INPP5B: variants seen among roughly 807,000 people sequenced by gnomAD.
The protein encoded by INPP5B is type II inositol 1,4,5-trisphosphate 5-phosphatase.
A neutral mutation model predicts 118.5 loss-of-function variants in INPP5B; 90 were observed. That is an observed-to-expected ratio of 0.76 (90% CI 0.64 to 0.90). The LOEUF is 0.90. Among genes scored for constraint, INPP5B ranks in the 40% least tolerant of loss-of-function variants. The pLI, the probability that INPP5B is intolerant of heterozygous loss-of-function variation, is 0.00. For synonymous variants in INPP5B, 385 were observed against 418.9 expected (o/e 0.92, Z 0.99); for missense variants, 984 against 1,125.6 (o/e 0.87, Z 1.80).
At chr1:37,901,240 T>A (rs555062849) in intron 7 of INPP5B, among the ~76,000 whole-genome samples, 1 of 152,330 alleles carries the variant, frequency 6.6e-6, no homozygotes, top group African/African-American at 2.4e-5. Context: ...CTCTATGTAT[T>A]AAGTACAGCA....
chr1:37,872,164 C>A (rs889296838), intron 19 of INPP5B, among the ~76,000 whole-genome samples: 1 of 149,614 alleles, frequency 6.7e-6, no homozygotes, highest in Non-Finnish European at 1.5e-5. Flanking sequence ...GTTGGGAGTT[C>A]CAGACCTGTC....
chr1:37,946,651 C>T (rs72919791), intron 1 of INPP5B, among the ~76,000 whole-genome samples: 7,665 of 152,128 alleles, frequency 0.05, 576 homozygotes, highest in African/African-American at 0.17. Flanking sequence ...AGAAGGGGAC[C>T]TAGTCCCTTT....
At chr1:37,932,084 C>A (rs1444201880) in intron 6 of INPP5B, 31 bp from the exon 7 acceptor site, 11 of 1,539,372 alleles carry the variant, frequency 7.1e-6, no homozygotes, top group Non-Finnish European at 9.6e-6. Context: ...GCAGACTGAG[C>A]CACGAGCTTG....
chr1:37,872,575 T>G (rs1363438964), intron 19 of INPP5B, among the ~76,000 whole-genome samples: 1 of 151,430 alleles, frequency 6.6e-6, no homozygotes, highest in Admixed American at 6.6e-5. Flanking sequence ...GATGAGTCCA[T>G]GTGGTGAGTG....
chr1:37,868,768 A>G (rs1642211020), intron 19 of INPP5B, among the ~76,000 whole-genome samples, 154 bp from the exon 20 acceptor site: 1 of 152,218 alleles, frequency 6.6e-6, no homozygotes, highest in Admixed American at 6.5e-5. Flanking sequence ...TGGTATGATC[A>G]AGGAACAAAA....
chr1:37,931,690 C>A (rs780421709), intron 7 of INPP5B: 1 of 1,529,396 alleles, frequency 6.5e-7, no homozygotes, highest in Non-Finnish European at 8.8e-7. Flanking sequence ...GTTGCGCTCC[C>A]GAGAGCCGGC....
At chr1:37,941,958 A>AAAAAAAAAAAATATATATATATAT (rs1427344681) in intron 5 of INPP5B, 6 of 30,366 alleles carry the variant, frequency 2.0e-4, no homozygotes, top group African/African-American at 9.1e-4. Flanking sequence ...AAAAAAAAAA[A>AAAAAAAAAAAATATATATATATAT]ATATATATAT....
intron 7 of INPP5B, among the ~76,000 whole-genome samples, chr1:37,902,149 G>C (rs1318577925): frequency 6.6e-6 from 1 of 151,940 alleles, no homozygotes; most frequent in East Asian, 1.9e-4. Context: ...ACCACGCCCA[G>C]CTAATTTTTG....
rs755349623 is a variant in INPP5B at position 37,873,005 on chromosome 1, A to G, written c.2112T>C (p.Phe704=). 6.2e-7 allele frequency: 1 copy of G among 1,614,186 alleles called. No homozygotes were observed. ...AACACAGTGTATGAATGGGAGACCC[A>G]AAACAGCTGGGCAGGTAGTTCCCAG... The part of the protein sequence containing the change: ...SVSGNYLPSC[F]GSPIHTLCYM... Residue 704 remains phenylalanine (F), a synonymous_variant, in exon 19 of 24, where the codon TTT becomes TTC. Coordinates refer to ENST00000373024, the MANE Select transcript of INPP5B (RefSeq NM_005540.3).
intron 5 of INPP5B, among the ~76,000 whole-genome samples, chr1:37,943,437 G>A (rs948748320): frequency 1.3e-5 from 2 of 152,228 alleles, no homozygotes; most frequent in Middle Eastern, 6.8e-3. Context: ...GTGAGAATGT[G>A]TGTTATCGGG....
intron 7 of INPP5B, among the ~76,000 whole-genome samples, chr1:37,924,836 A>C (rs1428696816): frequency 1.3e-5 from 2 of 152,092 alleles, no homozygotes; most frequent in Admixed American, 6.6e-5. Context: ...TCAGGAGTTC[A>C]AGACCAGCCT....
chr1:37,896,645 G>C (rs1303319365), intron 7 of INPP5B, among the ~76,000 whole-genome samples: 2 of 142,280 alleles, frequency 1.4e-5, no homozygotes, highest in African/African-American at 5.2e-5. Flanking sequence ...CGGGAGGTGA[G>C]GGGCGCCTCT....
At chr1:37,883,835 T>C in intron 13 of INPP5B, 1 of 985,472 alleles carries the variant, frequency 1.0e-6, no homozygotes, top group African/African-American at 1.7e-5. Flanking sequence ...GTTTACTCCT[T>C]GGCAGATATC....
At chr1:37,875,766 T>A in intron 16 of INPP5B, 50 bp from the exon 17 acceptor site, 1 of 1,361,130 alleles carries the variant, frequency 7.3e-7, no homozygotes, top group Non-Finnish European at 1.1e-6. Context: ...GCCCATTTCC[T>A]CTTTCTCAGT....
At chr1:37,926,351 G>A (rs1645228021) in intron 7 of INPP5B, among the ~76,000 whole-genome samples, 1 of 151,662 alleles carries the variant, frequency 6.6e-6, no homozygotes. Context: ...ATGCAGTGGC[G>A]TGATCTCAGC....
At chr1:37,878,909 CA>C (rs1643012774) in intron 15 of INPP5B, among the ~76,000 whole-genome samples, 1 of 150,984 alleles carries the variant, frequency 6.6e-6, no homozygotes, top group South Asian at 2.1e-4. Flanking sequence ...CTCGGCCTCC[CA>C]AAGTGCTGGG....
At chr1:37,916,385 C>T (rs1255224693) in intron 7 of INPP5B, among the ~76,000 whole-genome samples, 2 of 150,654 alleles carry the variant, frequency 1.3e-5, no homozygotes, top group Non-Finnish European at 3.0e-5. Context: ...TGAGCCACTG[C>T]AGTCTGGGCT....
intron 14 of INPP5B, among the ~76,000 whole-genome samples, chr1:37,881,833 C>T (rs1239435804): frequency 6.6e-6 from 1 of 152,180 alleles, no homozygotes; most frequent in Non-Finnish European, 1.5e-5. Flanking sequence ...GGCGCGGTGG[C>T]TCATGCCTGT....
chr1:37,874,568 C>T (rs1320520735), intron 17 of INPP5B, among the ~76,000 whole-genome samples: 1 of 152,116 alleles, frequency 6.6e-6, no homozygotes, highest in African/African-American at 2.4e-5. Context: ...GAGGCCGAGA[C>T]GGGCAGATCA....
Sources: gnomAD v4.1 joint callset for allele counts (sites outside exome capture counted in the v4.1 genomes callset) on GRCh38, gnomAD v4.1.1 for gene constraint, MANE v1.5 for transcripts, NCBI Gene and HGNC (gene_info 2026-07-23, HGNC 2026-07-21) for gene names.